EDIL3: variants seen among roughly 807,000 people sequenced by gnomAD.
EDIL3 encodes the protein EGF like and discoidin domains 3, also known as EGF-like repeat and discoidin I-like domain-containing protein 3.
Under a neutral mutation model 67.4 loss-of-function variants are expected in EDIL3, and 37 were observed. That is an observed-to-expected ratio of 0.55 (90% CI 0.42 to 0.72). EDIL3 has a LOEUF of 0.72. EDIL3 is among the 30% of genes least tolerant of loss of function. The pLI, the probability that EDIL3 is intolerant of heterozygous loss-of-function variation, is 0.00. For synonymous variants in EDIL3, 195 were observed against 196.3 expected (o/e 0.99, Z 0.05); for missense variants, 527 against 586.3 (o/e 0.90, Z 1.04).
intron 9 of EDIL3, among the ~76,000 whole-genome samples, chr5:84,054,183 T>C (rs923617617): frequency 2.6e-5 from 4 of 152,160 alleles, no homozygotes; most frequent in Non-Finnish European, 5.9e-5. Context: ...TAATCCAGCA[T>C]ATAAACAGAA....
chr5:83,949,359 T>C (rs1407410398), intron 10 of EDIL3, among the ~76,000 whole-genome samples: 1 of 151,802 alleles, frequency 6.6e-6, no homozygotes, highest in African/African-American at 2.4e-5. Context: ...AATGTATACA[T>C]AAGACCTTAA....
At chr5:84,374,560 T>C (rs559379367) in intron 1 of EDIL3, among the ~76,000 whole-genome samples, 46 of 152,202 alleles carry the variant, frequency 3.0e-4, no homozygotes, top group Non-Finnish European at 5.0e-4. Flanking sequence ...AATTTACAGC[T>C]ATACCAAGGA....
At position 84,076,547 on chromosome 5, in the gene EDIL3, G is replaced by A. The variant is rs544607304; in HGVS notation, c.652-9941C>T. 1.1e-4 allele frequency among the ~76,000 whole-genome samples: 16 copies of A among 152,164 alleles called. No homozygotes were observed. The South Asian group carries it at 2.5e-3, about 24-fold the overall frequency. ...GCAACATACTGGCTCACCGAGCTACGTAGATTTTCTAAGCGATGACACATT... is the reference window on the plus strand; with the variant it reads ...GCAACATACTGGCTCACCGAGCTACATAGATTTTCTAAGCGATGACACATT... On this transcript the variant is annotated intron_variant, in intron 6 of 10. Transcript: ENST00000296591.
chr5:84,003,283 C>T (rs903080337), intron 9 of EDIL3, among the ~76,000 whole-genome samples: 2 of 152,108 alleles, frequency 1.3e-5, no homozygotes, highest in Non-Finnish European at 2.9e-5. Flanking sequence ...GGTGTAACTT[C>T]AAGAGGGAAG....
At chr5:83,959,913 T>G (rs548939311) in intron 10 of EDIL3, among the ~76,000 whole-genome samples, 9 of 151,172 alleles carry the variant, frequency 6.0e-5, no homozygotes, top group African/African-American at 2.2e-4. Flanking sequence ...CATTTTCAAG[T>G]GTTTAAATAA....
intron 1 of EDIL3, among the ~76,000 whole-genome samples, chr5:84,312,514 C>G (rs1350048124): frequency 3.5e-5 from 5 of 140,900 alleles, no homozygotes; most frequent in Non-Finnish European, 7.6e-5. Flanking sequence ...AGGGGGCTGA[C>G]CCCCCCACCT....
At chr5:84,074,185 AC>A (rs1561422898) in intron 6 of EDIL3, among the ~76,000 whole-genome samples, 2 of 149,554 alleles carry the variant, frequency 1.3e-5, no homozygotes, top group East Asian at 4.0e-4. Context: ...TACACCTTAT[AC>A]AAAAATTAAT....
At position 84,244,470 on chromosome 5, in the gene EDIL3, G is replaced by C. The variant is rs544135062; in HGVS notation, c.196+9614C>G. Among the ~76,000 whole-genome samples the C allele has an allele frequency of 2.7e-5, 4 of 146,912 alleles. No individual in the cohort carries two copies. The South Asian group carries it at 8.7e-4, about 32-fold the overall frequency. On this transcript the variant is annotated intron_variant, in intron 2 of 10. Transcript: ENST00000296591. ...TTTTTTTTTTTTTTTTGTATTTTTA[G>C]TAGAGAAAAGCTTTTACCATGTTGG...
At chr5:84,050,787 G>T (rs1318587682) in intron 9 of EDIL3, among the ~76,000 whole-genome samples, 2 of 152,222 alleles carry the variant, frequency 1.3e-5, no homozygotes, top group Non-Finnish European at 2.9e-5. Flanking sequence ...CCATTGCTGA[G>T]GCTTGAGAAG....
chr5:84,064,770 T>C lies in EDIL3; in HGVS notation c.882A>G (p.Val294=), dbSNP rs1182330765. The part of the protein sequence containing the change: ...SFTPPIKAQY[V]RLYPQVCRRH... The stretch of plus-strand genomic sequence containing the variant: ...TTCGACAAACTTGGGGATAGAGTCT[T>C]ACATACTGAGCTTTTATGGGGGGTG... Residue 294 remains valine, a synonymous_variant, in exon 8 of 11, where the codon GTA becomes GTG. Coordinates refer to ENST00000296591, the MANE Select transcript of EDIL3 (RefSeq NM_005711.5). The C allele has an allele frequency of 5.0e-6, 8 of 1,613,916 alleles. No individual in the cohort carries two copies. The highest frequency in any genetic ancestry group is 1.3e-5 in the African/African-American group (1 of 74,926).
intron 1 of EDIL3, among the ~76,000 whole-genome samples, chr5:84,274,710 G>A (rs1745538791): frequency 6.6e-6 from 1 of 151,358 alleles, no homozygotes; most frequent in Non-Finnish European, 1.5e-5. Context: ...ACTGATTTTT[G>A]GAAACACCAA....
chr5:84,175,577 G>C (rs1246331013), intron 4 of EDIL3, among the ~76,000 whole-genome samples: 1 of 152,188 alleles, frequency 6.6e-6, no homozygotes, highest in East Asian at 1.9e-4. Context: ...ACACTCAACA[G>C]TGTCAAGGTC....
intron 1 of EDIL3, 74 bp from the exon 2 acceptor site, chr5:84,254,286 C>T (rs1745087577): frequency 6.7e-7 from 1 of 1,483,772 alleles, no homozygotes; most frequent in Non-Finnish European, 9.0e-7. Context: ...GTTTACTTTG[C>T]TATGGATGTT....
At position 84,255,290 on chromosome 5, in the gene EDIL3, G is replaced by A. The variant is rs535483194; in HGVS notation, c.68-1078C>T. ...CATGGATGTGGCTACAAACCTCCCT[G>A]TGAAAACATTTCAAATAATTCAGGT... On this transcript the variant is annotated intron_variant, in intron 1 of 10. Coordinates refer to ENST00000296591, the MANE Select transcript of EDIL3 (RefSeq NM_005711.5). Among the ~76,000 whole-genome samples the A allele has an allele frequency of 4.3e-4, 66 of 152,296 alleles. 1 individual carries two copies. The highest frequency in any genetic ancestry group is 1.6e-3 in the African/African-American group (66 of 41,550).
intron 4 of EDIL3, among the ~76,000 whole-genome samples, chr5:84,152,808 C>A (rs1315139233): frequency 6.6e-6 from 1 of 152,100 alleles, no homozygotes; most frequent in African/African-American, 2.4e-5. Flanking sequence ...ATAATCCATC[C>A]TTGAGGTACT....
chr5:84,297,681 AT>A (rs1398209011), intron 1 of EDIL3, among the ~76,000 whole-genome samples: 1 of 152,152 alleles, frequency 6.6e-6, no homozygotes, highest in African/African-American at 2.4e-5. Context: ...TTTATTGGTA[AT>A]CCAACAAAGA....
intron 9 of EDIL3, among the ~76,000 whole-genome samples, chr5:84,057,969 G>A (rs1249812652): frequency 6.6e-6 from 1 of 152,062 alleles, no homozygotes; most frequent in East Asian, 1.9e-4. Context: ...AATTACAGAC[G>A]ATGTAGTAGT....
intron 1 of EDIL3, among the ~76,000 whole-genome samples, chr5:84,349,108 T>C (rs913400850): frequency 2.0e-5 from 3 of 152,188 alleles, no homozygotes; most frequent in Admixed American, 6.6e-5. Flanking sequence ...AAGAGCTGAA[T>C]AATATTCTTA....
chr5:84,235,958 A>G (rs545224309), intron 2 of EDIL3, among the ~76,000 whole-genome samples: 3 of 152,184 alleles, frequency 2.0e-5, no homozygotes, highest in Admixed American at 2.0e-4. Context: ...AAAACATGAA[A>G]CTATGATTTA....
Sources: gnomAD v4.1 joint callset for allele counts (sites outside exome capture counted in the v4.1 genomes callset) on GRCh38, gnomAD v4.1.1 for gene constraint, MANE v1.5 for transcripts, NCBI Gene and HGNC (gene_info 2026-07-23, HGNC 2026-07-21) for gene names.